SFT2D2: variants seen among roughly 807,000 people sequenced by gnomAD.
The protein encoded by SFT2D2 is vesicle transport protein SFT2B.
In SFT2D2, 21 loss-of-function variants were observed where a neutral mutation model predicts 27.4. That is an observed-to-expected ratio of 0.77 (90% CI 0.54 to 1.10). The LOEUF (loss-of-function observed/expected upper bound fraction) is 1.10, where lower values mean the gene tolerates loss of function less well. Among genes scored for constraint, SFT2D2 ranks in the 50% least tolerant of loss-of-function variants. SFT2D2 has a pLI of 0.00. For synonymous variants in SFT2D2, 72 were observed against 71.7 expected (o/e 1.00, Z -0.02); for missense variants, 187 against 194.2 (o/e 0.96, Z 0.22).
intron 2 of SFT2D2, 68 bp from the exon 3 acceptor site, chr1:168,231,766 T>C: frequency 2.6e-6 from 4 of 1,524,050 alleles, no homozygotes; most frequent in Non-Finnish European, 3.6e-6. Flanking sequence ...GGGCTTCCTC[T>C]GGGAGCTCTG....
At chr1:168,234,238 A>G (rs1156283886) in intron 3 of SFT2D2, among the ~76,000 whole-genome samples, 3 of 152,188 alleles carry the variant, frequency 2.0e-5, no homozygotes, top group African/African-American at 7.2e-5. Context: ...TACTAAAAAT[A>G]CAAAAATTAG....
At chr1:168,233,684 A>C (rs1210211603) in intron 3 of SFT2D2, among the ~76,000 whole-genome samples, 2 of 152,228 alleles carry the variant, frequency 1.3e-5, no homozygotes, top group Non-Finnish European at 2.9e-5. Context: ...TACATTGTAT[A>C]GTCTAGACTG....
intron 3 of SFT2D2, among the ~76,000 whole-genome samples, chr1:168,233,714 G>A (rs1256778231): frequency 2.6e-5 from 4 of 152,178 alleles, no homozygotes; most frequent in Non-Finnish European, 5.9e-5. Context: ...ATATGGGTGT[G>A]TTGCTTAGTC....
At chr1:168,233,865 T>C (rs35741990) in intron 3 of SFT2D2, among the ~76,000 whole-genome samples, 8,598 of 152,284 alleles carry the variant, frequency 0.056, 279 homozygotes, top group South Asian at 0.15. Context: ...TTTGTGTATA[T>C]GCTATGTTTA....
intron 1 of SFT2D2, among the ~76,000 whole-genome samples, chr1:168,229,899 C>T (rs1700495824): frequency 6.6e-6 from 1 of 152,224 alleles, no homozygotes; most frequent in South Asian, 2.1e-4. Flanking sequence ...GGAAACCAGA[C>T]TCCTCCAGGA....
rs1258881451 is a variant in SFT2D2 at position 168,247,867 on chromosome 1, A to C, written c.*5327A>C. On this transcript the variant is annotated 3_prime_UTR_variant, in exon 8 of 8. Coordinates refer to ENST00000271375, the MANE Select transcript of SFT2D2 (RefSeq NM_199344.3). ...ACCATGCCACTTTTTAATGATTGCC[A>C]TTCTAACTGGCATGAGATGGCATCT... 1 of 152,214 alleles carries C rather than the reference A, an allele frequency of 6.6e-6. No individual in the cohort carries two copies. Among genetic ancestry groups the C allele is most frequent in the South Asian group, 2.1e-4 (1 of 4,828 alleles). The allele number at this position is 152,214 out of a possible 1,614,324, so 9.4% of individuals were successfully genotyped here.
chr1:168,235,102 A>G lies in SFT2D2; in HGVS notation c.238A>G (p.Thr80Ala). ...TGTGTGCGTGTGTTTGCCTTTTAGT[A>G]CCATCTTCCTCATGGGACCAGTGAA... ...TFGNIASIGS[T>A]IFLMGPVKQL... The change falls in exon 4 of 8, where the codon ACC becomes GCC. Residue 80 changes from threonine (T) to alanine (A), a missense_variant and splice_region_variant. Physicochemically the swap from Thr to Ala is moderately conservative, Grantham distance 58 (BLOSUM62 0). Coordinates refer to ENST00000271375, the MANE Select transcript of SFT2D2 (RefSeq NM_199344.3). 1 of 1,614,096 alleles carries G rather than the reference A, an allele frequency of 6.2e-7. No individual in the cohort carries two copies. The highest frequency in any genetic ancestry group is 8.5e-7 in the Non-Finnish European group (1 of 1,179,996).
At chr1:168,241,413 G>A (rs757952963) in intron 7 of SFT2D2, among the ~76,000 whole-genome samples, 2 of 151,556 alleles carry the variant, frequency 1.3e-5, no homozygotes, top group African/African-American at 2.4e-5. Flanking sequence ...GGCTGGTCTC[G>A]AACTCCTGAC....
Position 168,247,014 on chromosome 1 carries a change from G to A in SFT2D2, c.*4474G>A, listed in dbSNP as rs1245674716. 1.8e-5 allele frequency: 9 copies of A among 508,254 alleles called. No individual in the cohort carries two copies. The highest frequency in any genetic ancestry group is 1.3e-4 in the South Asian group (8 of 62,510). The allele number at this position is 508,254 out of a possible 1,614,324, so 31.5% of individuals were successfully genotyped here. A position where few individuals can be genotyped will look rare whatever the true frequency, so the allele number is the denominator to read the frequency against. ...GTCTTCTTCTTTTTCATGACTATCA[G>A]AAATCTCAAACTGCAGAGTTCTTGT... On this transcript the variant is annotated 3_prime_UTR_variant, in exon 8 of 8. Transcript: ENST00000271375.
chr1:168,247,563 C>G lies in SFT2D2; in HGVS notation c.*5023C>G, dbSNP rs897999148. ...TGTATATATGCCACATTTTCTTTAT[C>G]CAGTCTATAATTGATGGACATTTGG... On this transcript the variant is annotated 3_prime_UTR_variant, in exon 8 of 8. Transcript: ENST00000271375. The G allele has an allele frequency of 6.5e-6, 1 of 152,728 alleles. No individual in the cohort carries two copies. Among genetic ancestry groups the G allele is most frequent in the African/African-American group, 2.4e-5 (1 of 41,418 alleles). The allele number at this position is 152,728 out of a possible 1,614,324, so 9.5% of individuals were successfully genotyped here. A position where few individuals can be genotyped will look rare whatever the true frequency, so the allele number is the denominator to read the frequency against.
At chr1:168,239,648 C>T (rs928850948) in intron 7 of SFT2D2, among the ~76,000 whole-genome samples, 1 of 151,956 alleles carries the variant, frequency 6.6e-6, no homozygotes, top group Non-Finnish European at 1.5e-5. Flanking sequence ...CTCTTGACCC[C>T]TCTGGCCTCA....
rs190817066 is a variant in SFT2D2 at position 168,240,161 on chromosome 1, C to T, written c.443+1001C>T. On this transcript the variant is annotated intron_variant, in intron 7 of 7. Coordinates refer to ENST00000271375, the MANE Select transcript of SFT2D2 (RefSeq NM_199344.3). ...CTGCACTCCAGCCTGGGCGACAGAG[C>T]GAGACTCTGTCTCAAAAAAAAAAAA... is the stretch of plus-strand genomic sequence containing the variant. Among the ~76,000 whole-genome samples, 1,032 of 124,872 alleles carry T rather than the reference C, an allele frequency of 8.3e-3. 1 individual carries two copies. Among genetic ancestry groups the T allele is most frequent in the Admixed American group, 0.016 (166 of 10,680 alleles). The allele number at this position is 124,872 out of a possible 152,430, so 81.9% of individuals were successfully genotyped here.
Position 168,242,504 on chromosome 1 carries a change from T to C in SFT2D2, c.447T>C (p.Asp149=), listed in dbSNP as rs772054272. The change falls in exon 8 of 8, where the codon GAT becomes GAC. Residue 149 remains aspartate, a synonymous_variant. Coordinates refer to ENST00000271375, the MANE Select transcript of SFT2D2 (RefSeq NM_199344.3). ...YSLSFIPFAR[D]AVKKCFAVCL... ...CTTTGTGTCTTTTCTTTCCTAGGGA[T>C]GCTGTGAAGAAGTGTTTTGCCGTGT... The C allele has an allele frequency of 8.7e-6, 14 of 1,614,078 alleles. No homozygotes were observed. The highest frequency in any genetic ancestry group is 1.1e-5 in the Non-Finnish European group (13 of 1,180,022).
rs373566360 is a variant in SFT2D2 at position 168,250,580 on chromosome 1, G to C, written c.*8040G>C. 1.4e-4 allele frequency: 22 copies of C among 152,532 alleles called. No individual in the cohort carries two copies. The highest frequency in any genetic ancestry group is 5.8e-4 in the East Asian group (3 of 5,206). 9.4% of individuals were successfully genotyped at this position (152,532 alleles called of 1,614,324 possible). On this transcript the variant is annotated 3_prime_UTR_variant, in exon 8 of 8. Transcript: ENST00000271375. The stretch of plus-strand genomic sequence containing the variant: ...ATCTGCCCTGGGCTGTTGGCTCTCT[G>C]AGTGCTGTCTTGGGAGGAGCACTGC...
Position 168,246,330 on chromosome 1 carries a change from A to G in SFT2D2, c.*3790A>G, listed in dbSNP as rs907508516. 13 of 457,564 alleles carry G rather than the reference A, an allele frequency of 2.8e-5. No individual in the cohort carries two copies. Among genetic ancestry groups the G allele is most frequent in the Admixed American group, 1.1e-4 (3 of 26,692 alleles). 28.3% of individuals were successfully genotyped at this position (457,564 alleles called of 1,614,324 possible). On this transcript the variant is annotated 3_prime_UTR_variant, in exon 8 of 8. Coordinates refer to ENST00000271375, the MANE Select transcript of SFT2D2 (RefSeq NM_199344.3). ...ATCATCCAGTTGCTGTTGAAGCAAC[A>G]TATTTTGTCTTCGTAGTTGACATAA...
intron 3 of SFT2D2, 45 bp downstream of exon 3, chr1:168,231,964 G>A (rs991606936): frequency 2.6e-6 from 4 of 1,540,124 alleles, no homozygotes; most frequent in Non-Finnish European, 3.6e-6. Context: ...CATTAGATGG[G>A]AAAATGGATG....
intron 1 of SFT2D2, among the ~76,000 whole-genome samples, chr1:168,228,774 ATAACTGCCAGTCAGAC>A (rs1700485563): frequency 6.6e-6 from 1 of 152,314 alleles, no homozygotes; most frequent in East Asian, 1.9e-4. Flanking sequence ...ACCTTTGTGA[ATAACTGCCAGTCAGAC>A]TGCCTGTGAG....
chr1:168,241,839 T>C (rs1032130480), intron 7 of SFT2D2, among the ~76,000 whole-genome samples: 33 of 152,256 alleles, frequency 2.2e-4, no homozygotes, highest in African/African-American at 6.0e-4. Context: ...CTCCCTCCCT[T>C]ATGTGACTCC....
intron 3 of SFT2D2, among the ~76,000 whole-genome samples, chr1:168,232,210 T>G (rs989458299): frequency 5.9e-5 from 9 of 152,220 alleles, no homozygotes; most frequent in Non-Finnish European, 7.3e-5. Context: ...GTCCTCCTGC[T>G]TGCTGTATTC....
Sources: allele counts gnomAD v4.1 joint callset (sites outside exome capture counted in the v4.1 genomes callset), GRCh38; gene constraint gnomAD v4.1.1; transcripts MANE v1.5; gene names NCBI Gene and HGNC (gene_info 2026-07-23, HGNC 2026-07-21).